TRPA1: variants seen among roughly 807,000 people sequenced by gnomAD.
TRPA1 encodes the protein ankyrin-like with transmembrane domains 1.
In TRPA1, 129 loss-of-function variants were observed where a neutral mutation model predicts 131.3. The observed-to-expected ratio is 0.98, with a 90% CI of 0.85 to 1.14. The LOEUF is 1.14. TRPA1 is among the 50% of genes most tolerant of loss of function. The pLI, the probability that TRPA1 is intolerant of heterozygous loss-of-function variation, is 0.00. For synonymous variants in TRPA1, 441 were observed against 451.7 expected, an observed-to-expected ratio of 0.98 and a Z score of 0.30; for missense variants, 1,304 against 1,354.2, an observed-to-expected ratio of 0.96 and a Z score of 0.58.
At chr8:72,029,747 G>A (rs956033601) in intron 24 of TRPA1, 154 bp downstream of exon 24, 12 of 793,894 alleles carry the variant, frequency 1.5e-5, no homozygotes, top group Non-Finnish European at 2.1e-5. Context: ...ACATGATCAG[G>A]AGGGTAAATG....
intron 1 of TRPA1, among the ~76,000 whole-genome samples, chr8:72,074,053 T>C (rs954178580): frequency 6.6e-6 from 1 of 152,166 alleles, no homozygotes; most frequent in African/African-American, 2.4e-5. Flanking sequence ...TGTCAATTTC[T>C]ACCAAAATTA....
chr8:72,025,767 C>A (rs528018957), intron 25 of TRPA1, among the ~76,000 whole-genome samples, 193 bp downstream of exon 25: 13 of 152,306 alleles, frequency 8.5e-5, no homozygotes, highest in South Asian at 8.3e-4. Flanking sequence ...AAGGGGAGAG[C>A]AAACGTCACC....
chr8:72,031,305 G>A (rs957546597), intron 23 of TRPA1, among the ~76,000 whole-genome samples: 4 of 152,108 alleles, frequency 2.6e-5, no homozygotes, highest in East Asian at 3.8e-4. Context: ...TCTGCCAGGC[G>A]CAGCATTTTA....
chr8:72,082,839 C>CT, the TRPA1 span, among the ~76,000 whole-genome samples: 31 of 150,902 alleles, frequency 2.1e-4, no homozygotes, highest in African/African-American at 5.6e-4. Context: ...TAGATTAATA[C>CT]TTTTTTTTTC....
chr8:72,034,602 T>C (rs114379292), intron 21 of TRPA1, among the ~76,000 whole-genome samples: 1 of 152,344 alleles, frequency 6.6e-6, no homozygotes, highest in African/African-American at 2.4e-5. Flanking sequence ...ATTAATGTTA[T>C]CTATTTTTTG....
intron 26 of TRPA1, 111 bp from the exon 27 acceptor site, chr8:72,023,227 T>A: frequency 1.2e-6 from 1 of 844,478 alleles, no homozygotes; most frequent in Non-Finnish European, 1.8e-6. Context: ...TAGGAACGCA[T>A]AGGTTTTAAC....
upstream of TRPA1, among the ~76,000 whole-genome samples, chr8:72,078,886 G>A (rs931274163): frequency 2.8e-4 from 43 of 151,898 alleles, no homozygotes; most frequent in African/African-American, 9.2e-4. Flanking sequence ...CAGTGTATGA[G>A]GATTCTACTT....
intron 15 of TRPA1, 83 bp from the exon 16 acceptor site, chr8:72,047,290 C>T (rs1805358948): frequency 1.0e-6 from 1 of 1,000,228 alleles, no homozygotes. Context: ...TGAAATAATA[C>T]ACAAGACATT....
intron 22 of TRPA1, among the ~76,000 whole-genome samples, 197 bp from the exon 23 acceptor site, chr8:72,034,023 C>T (rs994799276): frequency 6.6e-6 from 1 of 152,116 alleles, no homozygotes; most frequent in Non-Finnish European, 1.5e-5. Flanking sequence ...AATAATAAAT[C>T]ATCTGTGTTG....
intron 12 of TRPA1, chr8:72,054,163 G>C (rs979247105): frequency 1.6e-4 from 62 of 387,830 alleles, no homozygotes; most frequent in South Asian, 1.6e-3. Context: ...TAGCATGTCT[G>C]TGTCATACCT....
chr8:72,055,888 T>G (rs1805655591), intron 10 of TRPA1, 33 bp from the exon 11 acceptor site: 6 of 1,603,358 alleles, frequency 3.7e-6, no homozygotes, highest in African/African-American at 2.7e-5. Flanking sequence ...TACAAATAAC[T>G]CTGCTATTAT....
intron 2 of TRPA1, among the ~76,000 whole-genome samples, chr8:72,069,440 G>T (rs1335114114): frequency 1.3e-5 from 2 of 152,154 alleles, no homozygotes; most frequent in African/African-American, 4.8e-5. Flanking sequence ...GCATTAATAA[G>T]AAATAGATCC....
In TRPA1 at chr8:72,065,566, A is replaced by T; in HGVS notation, c.445-8T>A. The T allele has an allele frequency of 6.2e-7, 1 of 1,609,870 alleles. No individual in the cohort carries two copies. Among genetic ancestry groups the T allele is most frequent in the Non-Finnish European group, 8.5e-7 (1 of 1,176,706 alleles). The stretch of plus-strand genomic sequence containing the variant: ...TCTATGCTCAAGCAAGACCTAAAAA[A>T]AGGGGAGAATAATTGTCAAAATTTT... On this transcript the variant is annotated splice_region_variant and splice_polypyrimidine_tract_variant and intron_variant, in intron 3 of 26. Transcript: ENST00000262209.
At chr8:72,030,915 C>G (rs1316103571) in intron 23 of TRPA1, among the ~76,000 whole-genome samples, 1 of 152,216 alleles carries the variant, frequency 6.6e-6, no homozygotes, top group East Asian at 1.9e-4. Flanking sequence ...TCATTTCACT[C>G]ATCCATTTAT....
At chr8:72,049,773 G>C (rs17739917) in intron 15 of TRPA1, among the ~76,000 whole-genome samples, 15,776 of 152,102 alleles carry the variant, frequency 0.1, 961 homozygotes, top group African/African-American at 0.14. Flanking sequence ...TTGTTCTTGA[G>C]ATGTTGGCTA....
chr8:72,045,767 T>C (rs1273239831), intron 17 of TRPA1, among the ~76,000 whole-genome samples: 1 of 151,908 alleles, frequency 6.6e-6, no homozygotes, highest in Non-Finnish European at 1.5e-5. Context: ...GTTTTCTCTG[T>C]AGTTATTTCA....
Position 72,036,288 on chromosome 8 carries a change from C to A in TRPA1, c.2555G>T (p.Arg852Ile), listed in dbSNP as rs1383385169. The change falls in exon 21 of 27, where the codon AGA becomes ATA. Residue 852 changes from arginine to isoleucine, a missense_variant and splice_region_variant. Coordinates refer to ENST00000262209, the MANE Select transcript of TRPA1 (RefSeq NM_007332.3). ...TGGAAATAATTCAAGCTTGTTTTACCTTTGAAGATACAATAAGAAATTCAT... is the reference window on the plus strand; with the variant it reads ...TGGAAATAATTCAAGCTTGTTTTACATTTGAAGATACAATAAGAAATTCAT... ...YWMNFLLYLQRFENCGIFIVM... is the reference protein window; with the variant it reads ...YWMNFLLYLQIFENCGIFIVM... The A allele has an allele frequency of 6.2e-7, 1 of 1,613,762 alleles. No individual in the cohort carries two copies. The highest frequency in any genetic ancestry group is 2.2e-5 in the East Asian group (1 of 44,858).
chr8:72,080,111 C>T (rs888210291), upstream of TRPA1, among the ~76,000 whole-genome samples: 1 of 151,760 alleles, frequency 6.6e-6, no homozygotes, highest in Non-Finnish European at 1.5e-5. Context: ...TTTGCTTCTT[C>T]CTTTTGCAAT....
At chr8:72,079,859 G>A (rs1244815492), upstream of TRPA1, among the ~76,000 whole-genome samples, 1 of 151,846 alleles carries the variant, frequency 6.6e-6, no homozygotes, top group African/African-American at 2.4e-5. Context: ...AGTTTTCTAT[G>A]TACAGTTCAT....
Sources: allele counts gnomAD v4.1 joint callset (sites outside exome capture counted in the v4.1 genomes callset), GRCh38; gene constraint gnomAD v4.1.1; transcripts MANE v1.5; gene names NCBI Gene and HGNC (gene_info 2026-07-23, HGNC 2026-07-21).